NREP: variants seen among roughly 807,000 people sequenced by gnomAD.
NREP encodes the protein neuronal regeneration-related protein.
NREP carries 5 observed loss-of-function variants against 8.6 expected under a neutral mutation model. That is an observed-to-expected ratio of 0.58 (90% CI 0.30 to 1.22). The LOEUF is 1.22. Among genes scored for constraint, NREP ranks in the 50% most tolerant of loss-of-function variants. The pLI is 0.07. For missense variants in NREP, 86 were observed against 82.5 expected, an observed-to-expected ratio of 1.04 and a Z score of -0.17; for synonymous variants, 27 against 28.0, an observed-to-expected ratio of 0.96 and a Z score of 0.11.
chr5:111,922,124 AG>A (rs1187209924), intron 2 of NREP, among the ~76,000 whole-genome samples: 2 of 152,180 alleles, frequency 1.3e-5, no homozygotes, highest in Non-Finnish European at 1.5e-5. Context: ...TTAATTTTGA[AG>A]GGGTATTTCT....
At chr5:111,783,990 G>A (rs1003675398) in intron 2 of NREP, among the ~76,000 whole-genome samples, 1 of 152,132 alleles carries the variant, frequency 6.6e-6, no homozygotes, top group African/African-American at 2.4e-5. Context: ...ATAAGTTTGG[G>A]ATAAGACTTT....
At chr5:111,840,220 C>T (rs1561688486) in intron 2 of NREP, among the ~76,000 whole-genome samples, 2 of 151,960 alleles carry the variant, frequency 1.3e-5, no homozygotes, top group South Asian at 2.1e-4. Context: ...GGTTCAGGCT[C>T]ATGACTCAAA....
intron 2 of NREP, among the ~76,000 whole-genome samples, chr5:111,908,124 G>C (rs945868267): frequency 6.6e-6 from 1 of 151,976 alleles, no homozygotes; most frequent in South Asian, 2.1e-4. Context: ...TCCATCTTCT[G>C]TTTGAACCAA....
intron 2 of NREP, among the ~76,000 whole-genome samples, chr5:111,737,520 T>A (rs1175074066): frequency 6.6e-6 from 1 of 152,150 alleles, no homozygotes; most frequent in African/African-American, 2.4e-5. Flanking sequence ...CAAGGTCAGG[T>A]AAGTATTGTC....
chr5:111,830,635 G>A (rs909119379), intron 2 of NREP, among the ~76,000 whole-genome samples: 1 of 152,212 alleles, frequency 6.6e-6, no homozygotes, highest in Admixed American at 6.5e-5. Context: ...TGCTTTAAGA[G>A]AAGGTGTGAT....
intron 2 of NREP, among the ~76,000 whole-genome samples, chr5:111,765,385 C>G (rs938066390): frequency 6.6e-6 from 1 of 152,166 alleles, no homozygotes; most frequent in African/African-American, 2.4e-5. Flanking sequence ...GTTGGAGACT[C>G]CAGGTCTAAA....
intron 2 of NREP, among the ~76,000 whole-genome samples, chr5:111,832,318 G>T (rs142458334): frequency 3.0e-4 from 46 of 152,108 alleles, no homozygotes; most frequent in African/African-American, 1.0e-3. Context: ...ATGAGTTAGG[G>T]ACCAGCCTGG....
intron 2 of NREP, among the ~76,000 whole-genome samples, chr5:111,942,483 A>T (rs1423810567): frequency 6.6e-6 from 1 of 152,056 alleles, no homozygotes; most frequent in Non-Finnish European, 1.5e-5. Flanking sequence ...GCAACATTGC[A>T]GGTGTCTTTT....
At chr5:111,896,307 T>C (rs1243079331) in intron 2 of NREP, among the ~76,000 whole-genome samples, 1 of 152,122 alleles carries the variant, frequency 6.6e-6, no homozygotes, top group Non-Finnish European at 1.5e-5. Context: ...GGTTTAACAA[T>C]TGAGTGGATA....
At chr5:111,942,351 A>T (rs1755852945) in intron 2 of NREP, among the ~76,000 whole-genome samples, 1 of 152,072 alleles carries the variant, frequency 6.6e-6, no homozygotes, top group Admixed American at 6.6e-5. Context: ...CTGAAAAGTG[A>T]AAGTCATGGT....
intron 2 of NREP, among the ~76,000 whole-genome samples, chr5:111,931,021 TGGCAG>T (rs1331074059): frequency 1.3e-5 from 2 of 152,140 alleles, no homozygotes; most frequent in Non-Finnish European, 2.9e-5. Flanking sequence ...ACACTGAGCA[TGGCAG>T]GGTAGAAGAC....
At chr5:111,866,889 G>A (rs1311587433) in intron 2 of NREP, among the ~76,000 whole-genome samples, 11 of 151,042 alleles carry the variant, frequency 7.3e-5, no homozygotes, top group African/African-American at 2.4e-4. Context: ...GCAAACGATC[G>A]CAAGGACAAA....
At chr5:111,911,161 T>G (rs1369827937) in intron 2 of NREP, among the ~76,000 whole-genome samples, 6 of 151,994 alleles carry the variant, frequency 3.9e-5, no homozygotes, top group African/African-American at 1.4e-4. Context: ...CTGCACCCAG[T>G]GTTCTGGATA....
At chr5:111,872,277 G>T (rs1483600564) in intron 2 of NREP, among the ~76,000 whole-genome samples, 1 of 152,098 alleles carries the variant, frequency 6.6e-6, no homozygotes, top group African/African-American at 2.4e-5. Flanking sequence ...CAGACTGGAA[G>T]AATTCTCTCT....
chr5:111,738,375 G>A (rs1749343759), intron 2 of NREP: 1 of 152,192 alleles, frequency 6.6e-6, no homozygotes, highest in Non-Finnish European at 1.5e-5. Flanking sequence ...GAGAATGGGT[G>A]ATCCCAAGCA....
intron 2 of NREP, among the ~76,000 whole-genome samples, chr5:111,970,628 C>T (rs1165251624): frequency 6.6e-6 from 1 of 151,900 alleles, no homozygotes; most frequent in African/African-American, 2.4e-5. Flanking sequence ...GAGTTTGAGA[C>T]CAGCCTGGCC....
At chr5:111,906,640 C>T (rs1199262000) in intron 2 of NREP, among the ~76,000 whole-genome samples, 3 of 152,078 alleles carry the variant, frequency 2.0e-5, no homozygotes, top group African/African-American at 7.2e-5. Flanking sequence ...CTACGGGGCT[C>T]CCTAAGCTTT....
chr5:111,878,237 C>T (rs1753958243), intron 2 of NREP, among the ~76,000 whole-genome samples: 2 of 152,208 alleles, frequency 1.3e-5, no homozygotes, highest in Admixed American at 1.3e-4. Context: ...TTCATTCTCT[C>T]ATTGCTATAA....
At chr5:111,798,168 T>C (rs112203683) in intron 2 of NREP, among the ~76,000 whole-genome samples, 7 of 152,330 alleles carry the variant, frequency 4.6e-5, no homozygotes, top group Admixed American at 1.3e-4. Context: ...CAAAGCTGAA[T>C]TTTGAAAGGC....
Sources: allele counts gnomAD v4.1 joint callset (sites outside exome capture counted in the v4.1 genomes callset), GRCh38; gene constraint gnomAD v4.1.1; transcripts MANE v1.5; gene names NCBI Gene and HGNC (gene_info 2026-07-23, HGNC 2026-07-21).